The following LEPROT variants were observed in gnomAD, a reference collection of about 807,000 sequenced individuals.
LEPROT encodes the protein leptin receptor gene-related protein.
In LEPROT, 3 loss-of-function variants were observed where a neutral mutation model predicts 15.4. The ratio of observed to expected loss-of-function variants is 0.19; its 90% CI spans 0.09 to 0.50. The LOEUF (loss-of-function observed/expected upper bound fraction) is 0.50, where lower values mean the gene tolerates loss of function less well. Among genes scored for constraint, LEPROT ranks in the 20% least tolerant of loss-of-function variants. The pLI is 0.97. For missense variants in LEPROT, 137 were observed against 162.2 expected (o/e 0.84, Z 0.84); for synonymous variants, 59 against 57.5 (o/e 1.03, Z -0.12).
At position 65,432,872 on chromosome 1, in the gene LEPROT, C is replaced by A. The variant is rs1646505724; in HGVS notation, c.*953C>A. Reference sequence around the variant, plus strand: ...ATGTTAATTAGTGTAATCATTCCACCTTATATTCAAAAATCATAAAACCGT... The same window carrying A: ...ATGTTAATTAGTGTAATCATTCCACATTATATTCAAAAATCATAAAACCGT... On this transcript the variant is annotated 3_prime_UTR_variant, in exon 4 of 4. Transcript: ENST00000371065. 1 of 784,806 alleles carries A rather than the reference C, an allele frequency of 1.3e-6. No homozygotes were observed. The highest frequency in any genetic ancestry group is 1.5e-6 in the Non-Finnish European group (1 of 646,988). The allele number at this position is 784,806 out of a possible 1,614,324, so 48.6% of individuals were successfully genotyped here. A position where few individuals can be genotyped will look rare whatever the true frequency, so the allele number is the denominator to read the frequency against.
chr1:65,430,206 A>C, intron 3 of LEPROT, 158 bp downstream of exon 3: 3 of 532,630 alleles, frequency 5.6e-6, no homozygotes, highest in Non-Finnish European at 9.3e-6. Flanking sequence ...GCCTAACAGT[A>C]GTTCGGCCAT....
rs1324062719 is a variant in LEPROT at position 65,431,840 on chromosome 1, A to G, written c.317A>G (p.Asn106Ser). 2.5e-6 allele frequency: 4 copies of G among 1,613,922 alleles called. No homozygotes were observed. Among genetic ancestry groups the G allele is most frequent in the African/African-American group, 2.7e-5 (2 of 74,932 alleles). Residue 106 changes from asparagine (N) to serine (S), a missense_variant, in exon 4 of 4, where the codon AAT becomes AGT. By Grantham distance (46) the Asn-to-Ser change is conservative. Transcript: ENST00000371065. ...GCCTGCGGCCTTGTGTTGGCAGGCA[A>G]TGCAGTCATTTTCCTTACAATTCAA... ...WGACGLVLAG[N>S]AVIFLTIQGF...
In LEPROT at chr1:65,435,230, T is replaced by G. The variant is rs1646542014; in HGVS notation, c.*3311T>G. ...AACTCATAGATTTTTCTTACTGTCC[T>G]AAGGAAGTCCTTACCTCTGAGGTAT... On this transcript the variant is annotated 3_prime_UTR_variant, in exon 4 of 4. Coordinates refer to ENST00000371065, the MANE Select transcript of LEPROT (RefSeq NM_017526.5). 2.0e-6 allele frequency: 2 copies of G among 985,302 alleles called. No individual in the cohort carries two copies. The highest frequency in any genetic ancestry group is 9.4e-5 in the South Asian group (2 of 21,292). The allele number at this position is 985,302 out of a possible 1,614,324, so 61.0% of individuals were successfully genotyped here.
At chr1:65,425,467 C>T in intron 2 of LEPROT, 89 bp downstream of exon 2, 1 of 1,140,644 alleles carries the variant, frequency 8.8e-7, no homozygotes, top group South Asian at 1.6e-5. Flanking sequence ...CAATTTAGCA[C>T]CAAGTTCTAA....
chr1:65,431,733 A>T (rs1397679677), intron 3 of LEPROT, 70 bp from the exon 4 acceptor site: 1 of 1,491,682 alleles, frequency 6.7e-7, no homozygotes, highest in East Asian at 2.3e-5. Flanking sequence ...TAATGCAGAA[A>T]ATAATAGGGA....
At chr1:65,426,826 A>G (rs1032615528) in intron 2 of LEPROT, among the ~76,000 whole-genome samples, 1 of 152,056 alleles carries the variant, frequency 6.6e-6, no homozygotes, top group Non-Finnish European at 1.5e-5. Flanking sequence ...GTGAAACCCC[A>G]TCTCTACTAA....
Position 65,432,565 on chromosome 1 carries a change from TTAA to T in LEPROT, c.*647_*649del. The T allele has an allele frequency of 1.3e-6, 1 of 767,766 alleles. No homozygotes were observed. The highest frequency in any genetic ancestry group is 1.6e-6 in the Non-Finnish European group (1 of 638,624). 47.6% of individuals were successfully genotyped at this position (767,766 alleles called of 1,614,324 possible). The stretch of plus-strand genomic sequence containing the variant: ...CTCTGGGTGTTACCTGCTCATTTGT[TTAA>T]AAAAAAAAAAAAAGTCTCACCTGCT... On this transcript the variant is annotated 3_prime_UTR_variant, in exon 4 of 4. Transcript: ENST00000371065.
intron 2 of LEPROT, among the ~76,000 whole-genome samples, chr1:65,425,754 T>C (rs560954263): frequency 6.6e-6 from 1 of 152,290 alleles, no homozygotes; most frequent in African/African-American, 2.4e-5. Flanking sequence ...TCGGATAAAG[T>C]GCACCTGAGT....
In LEPROT at chr1:65,433,593, T is replaced by TA; in HGVS notation, c.*1676dup. 1 of 985,410 alleles carries TA rather than the reference T, an allele frequency of 1.0e-6. No individual in the cohort carries two copies. The highest frequency in any genetic ancestry group is 1.2e-6 in the Non-Finnish European group (1 of 829,904). The allele number at this position is 985,410 out of a possible 1,614,324, so 61.0% of individuals were successfully genotyped here. A position where few individuals can be genotyped will look rare whatever the true frequency, so the allele number is the denominator to read the frequency against. On this transcript the variant is annotated 3_prime_UTR_variant, in exon 4 of 4. Coordinates refer to ENST00000371065, the MANE Select transcript of LEPROT (RefSeq NM_017526.5). ...GATGCTGGGACTGGAAAATAGAAAG[T>TA]AATAACTAAAGGGTTAATGTGCAAC...
chr1:65,421,410 C>T (rs1646247609), intron 1 of LEPROT: 1 of 1,536,054 alleles, frequency 6.5e-7, no homozygotes. Flanking sequence ...TGTATGGCTT[C>T]AGAGCAATGC....
At position 65,434,567 on chromosome 1, in the gene LEPROT, C is replaced by G; in HGVS notation, c.*2648C>G. 1 of 985,414 alleles carries G rather than the reference C, an allele frequency of 1.0e-6. No individual in the cohort carries two copies. The highest frequency in any genetic ancestry group is 1.2e-6 in the Non-Finnish European group (1 of 829,934). 61.0% of individuals were successfully genotyped at this position (985,414 alleles called of 1,614,324 possible). On this transcript the variant is annotated 3_prime_UTR_variant, in exon 4 of 4. Transcript: ENST00000371065. Reference sequence around the variant, plus strand: ...CAGGTTCAACTCTAATATACCTAACCTGTGATACTGAAGGTGCCTGCCTGA... The same window carrying G: ...CAGGTTCAACTCTAATATACCTAACGTGTGATACTGAAGGTGCCTGCCTGA...
Position 65,432,065 on chromosome 1 carries a change from T to G in LEPROT, c.*146T>G. 2 of 1,357,524 alleles carry G rather than the reference T, an allele frequency of 1.5e-6. No individual in the cohort carries two copies. Among genetic ancestry groups the G allele is most frequent in the Non-Finnish European group, 1.9e-6 (2 of 1,056,116 alleles). 84.1% of individuals were successfully genotyped at this position (1,357,524 alleles called of 1,614,324 possible). ...CATGTTCACTTTAAGAAAGACTTCA[T>G]AAGTAGGAGATGAGTTTTATTCTCA... On this transcript the variant is annotated 3_prime_UTR_variant, in exon 4 of 4. Transcript: ENST00000371065.
chr1:65,433,273 T>C lies in LEPROT; in HGVS notation c.*1354T>C. ...CCATGTAAGCACGCAGTGGGTGAAC[T>C]GCTTAATTTCACTACGTGTTGATGT... On this transcript the variant is annotated 3_prime_UTR_variant, in exon 4 of 4. Coordinates refer to ENST00000371065, the MANE Select transcript of LEPROT (RefSeq NM_017526.5). 1.0e-6 allele frequency: 1 copy of C among 985,378 alleles called. No individual in the cohort carries two copies. The highest frequency in any genetic ancestry group is 1.1e-4 in the East Asian group (1 of 8,796). The allele number at this position is 985,378 out of a possible 1,614,324, so 61.0% of individuals were successfully genotyped here.
In LEPROT at chr1:65,434,318, G is replaced by A. The variant is rs980368875; in HGVS notation, c.*2399G>A. ...TTGGACATTTTTTTCCTTATAAAAG[G>A]CTCTTTTTTTATATATTGTACAATA... On this transcript the variant is annotated 3_prime_UTR_variant, in exon 4 of 4. Transcript: ENST00000371065. 10 of 984,538 alleles carry A rather than the reference G, an allele frequency of 1.0e-5. No individual in the cohort carries two copies. In the Admixed American group the frequency reaches 5.5e-4, roughly 55 times the overall value. 61.0% of individuals were successfully genotyped at this position (984,538 alleles called of 1,614,324 possible).
At chr1:65,425,185 T>C (rs1646335403) in intron 1 of LEPROT, 118 bp from the exon 2 acceptor site, 1 of 768,644 alleles carries the variant, frequency 1.3e-6, no homozygotes, top group Non-Finnish European at 2.2e-6. Flanking sequence ...CCAGAAAATT[T>C]ACTCATCCGC....
chr1:65,429,059 A>G (rs1336309130), intron 2 of LEPROT, among the ~76,000 whole-genome samples: 3 of 152,198 alleles, frequency 2.0e-5, no homozygotes, highest in Non-Finnish European at 2.9e-5. Flanking sequence ...CTGGAGATAA[A>G]TGGCGTTTGA....
Position 65,434,105 on chromosome 1 carries a change from G to T in LEPROT, c.*2186G>T, listed in dbSNP as rs1458083711. 4.1e-6 allele frequency: 4 copies of T among 984,568 alleles called. No individual in the cohort carries two copies. Among genetic ancestry groups the T allele is most frequent in the Non-Finnish European group, 3.6e-6 (3 of 829,200 alleles). 61.0% of individuals were successfully genotyped at this position (984,568 alleles called of 1,614,324 possible). A position where few individuals can be genotyped will look rare whatever the true frequency, so the allele number is the denominator to read the frequency against. On this transcript the variant is annotated 3_prime_UTR_variant, in exon 4 of 4. Coordinates refer to ENST00000371065, the MANE Select transcript of LEPROT (RefSeq NM_017526.5). ...AGCCTTAAAGCATTACCTCTTGATT[G>T]TATCTTTAGATTGATATAAAGTACT...
Position 65,432,553 on chromosome 1 carries a change from C to T in LEPROT, c.*634C>T. Reference sequence around the variant, plus strand: ...ACCACTTAACCTCTCTGGGTGTTACCTGCTCATTTGTTTAAAAAAAAAAAA... The same window carrying T: ...ACCACTTAACCTCTCTGGGTGTTACTTGCTCATTTGTTTAAAAAAAAAAAA... On this transcript the variant is annotated 3_prime_UTR_variant, in exon 4 of 4. Transcript: ENST00000371065. 7 of 893,544 alleles carry T rather than the reference C, an allele frequency of 7.8e-6. No individual in the cohort carries two copies. Among genetic ancestry groups the T allele is most frequent in the Non-Finnish European group, 9.3e-6 (7 of 751,326 alleles). 55.4% of individuals were successfully genotyped at this position (893,544 alleles called of 1,614,324 possible).
In LEPROT at chr1:65,433,152, A is replaced by C. The variant is rs1471198508; in HGVS notation, c.*1233A>C. The C allele has an allele frequency of 2.0e-6, 2 of 985,256 alleles. No homozygotes were observed. Among genetic ancestry groups the C allele is most frequent in the Admixed American group, 1.2e-4 (2 of 16,250 alleles). The allele number at this position is 985,256 out of a possible 1,614,324, so 61.0% of individuals were successfully genotyped here. ...CCTTTATGATCTGGCACTTCTCCCC[A>C]GCTCCTTCCCTCTGCCCCCCACCCC... On this transcript the variant is annotated 3_prime_UTR_variant, in exon 4 of 4. Transcript: ENST00000371065.
Sources: gnomAD v4.1 joint callset for allele counts (sites outside exome capture counted in the v4.1 genomes callset) on GRCh38, gnomAD v4.1.1 for gene constraint, MANE v1.5 for transcripts, NCBI Gene and HGNC (gene_info 2026-07-23, HGNC 2026-07-21) for gene names.